The following RGS6 variants were observed in gnomAD, a reference collection of about 807,000 sequenced individuals.
The protein encoded by RGS6 is regulator of G protein signaling 6.
Under a neutral mutation model 78.5 loss-of-function variants are expected in RGS6, and 30 were observed. The ratio of observed to expected loss-of-function variants is 0.38; its 90% CI spans 0.29 to 0.52. The LOEUF (loss-of-function observed/expected upper bound fraction) is 0.52. Ranked by LOEUF, RGS6 falls within the 20% of genes least tolerant of loss-of-function variation. The pLI is 0.85. For synonymous variants in RGS6, 206 were observed against 206.0 expected, an observed-to-expected ratio of 1.00 and a Z score of 0.00; for missense variants, 495 against 609.7, an observed-to-expected ratio of 0.81 and a Z score of 1.98.
At chr14:71,919,810 A>G in the RGS6 span, among the ~76,000 whole-genome samples, 1 of 152,086 alleles carries the variant, frequency 6.6e-6, no homozygotes, top group Non-Finnish European at 1.5e-5. Context: ...CCTGGCCAAC[A>G]TGGTGAAACT....
At chr14:72,098,297 TC>T (rs2095451712) in intron 2 of RGS6, among the ~76,000 whole-genome samples, 1 of 152,200 alleles carries the variant, frequency 6.6e-6, no homozygotes, top group Non-Finnish European at 1.5e-5. Flanking sequence ...TAATTTCATT[TC>T]CCTGGCCTCT....
chr14:71,960,438 A>C (rs2093108515), intron 1 of RGS6, among the ~76,000 whole-genome samples: 1 of 152,172 alleles, frequency 6.6e-6, no homozygotes, highest in Non-Finnish European at 1.5e-5. Context: ...TATCCAGATG[A>C]ATCTTCTGGA....
At chr14:72,180,147 T>G (rs541126121) in intron 2 of RGS6, among the ~76,000 whole-genome samples, 7 of 152,352 alleles carry the variant, frequency 4.6e-5, no homozygotes, top group African/African-American at 1.4e-4. Flanking sequence ...ATTATTTGTA[T>G]GGTAGCTAAA....
the RGS6 span, among the ~76,000 whole-genome samples, chr14:72,573,117 G>A: frequency 1.3e-5 from 2 of 152,228 alleles, no homozygotes; most frequent in African/African-American, 2.4e-5. Context: ...CCCAGAGCGA[G>A]TGGTCCATTT....
chr14:71,964,714 A>G, intron 1 of RGS6, 58 bp from the exon 2 acceptor site: 1 of 1,199,038 alleles, frequency 8.3e-7, no homozygotes, highest in Non-Finnish European at 1.2e-6. Context: ...TTTGCATTTC[A>G]AAGCCCTCTT....
Position 72,526,276 on chromosome 14 carries a change from T to TG in RGS6, c.1278+7740dup, listed in dbSNP as rs1028638151. ...CTGCCACCACGCCCAGCTAATTTTT[T>TG]GTTTTTTTTTAGTAGAGTCGGGGTT... On this transcript the variant is annotated intron_variant, in intron 15 of 17. Transcript: ENST00000553525. 3.8e-4 allele frequency among the ~76,000 whole-genome samples: 26 copies of TG among 68,064 alleles called. No individual in the cohort carries two copies. The East Asian group carries it at 0.022, about 57-fold the overall frequency. 44.7% of individuals were successfully genotyped at this position (68,064 alleles called of 152,430 possible). A position where few individuals can be genotyped will look rare whatever the true frequency, so the allele number is the denominator to read the frequency against.
chr14:71,871,414 A>G, the RGS6 span, among the ~76,000 whole-genome samples: 1 of 152,114 alleles, frequency 6.6e-6, no homozygotes, highest in Admixed American at 6.6e-5. Flanking sequence ...AATGATTTCC[A>G]TATTCTTTCC....
At chr14:72,067,538 G>A (rs900080543) in intron 2 of RGS6, among the ~76,000 whole-genome samples, 1 of 147,548 alleles carries the variant, frequency 6.8e-6, no homozygotes, top group Non-Finnish European at 1.5e-5. Context: ...GCAGGGTTTA[G>A]TGCGGCACTT....
intron 2 of RGS6, among the ~76,000 whole-genome samples, chr14:72,222,643 C>T (rs1047259750): frequency 6.6e-6 from 1 of 152,204 alleles, no homozygotes; most frequent in African/African-American, 2.4e-5. Flanking sequence ...GATTCTGTAA[C>T]CCATAGGCTA....
intron 2 of RGS6, among the ~76,000 whole-genome samples, chr14:72,336,461 G>A (rs1294991414): frequency 6.6e-6 from 1 of 152,074 alleles, no homozygotes; most frequent in African/African-American, 2.4e-5. Context: ...AAATTAGTTA[G>A]TTTGGCTCAT....
intron 2 of RGS6, among the ~76,000 whole-genome samples, chr14:72,191,839 CCTTT>C (rs1187190141): frequency 6.6e-6 from 1 of 152,150 alleles, no homozygotes; most frequent in African/African-American, 2.4e-5. Flanking sequence ...TGGGTTGTCC[CCTTT>C]CTTCACATCT....
intron 2 of RGS6, among the ~76,000 whole-genome samples, chr14:72,042,988 A>G (rs2092551589): frequency 6.6e-6 from 1 of 152,172 alleles, no homozygotes; most frequent in Non-Finnish European, 1.5e-5. Flanking sequence ...TATCTTTTAA[A>G]AATTTTAGCT....
At chr14:72,007,422 A>T (rs2084781675) in intron 2 of RGS6, among the ~76,000 whole-genome samples, 1 of 152,238 alleles carries the variant, frequency 6.6e-6, no homozygotes, top group African/African-American at 2.4e-5. Context: ...GTGTCTCAGA[A>T]TACTGTTTAG....
chr14:72,088,861 C>T (rs1211144354), intron 2 of RGS6, among the ~76,000 whole-genome samples: 1 of 152,214 alleles, frequency 6.6e-6, no homozygotes, highest in Non-Finnish European at 1.5e-5. Flanking sequence ...TCACTCCAAG[C>T]TCATTCCCTC....
At chr14:72,525,226 A>G (rs1202604603) in intron 15 of RGS6, among the ~76,000 whole-genome samples, 1 of 152,196 alleles carries the variant, frequency 6.6e-6, no homozygotes, top group African/African-American at 2.4e-5. Flanking sequence ...AACCTTGGGG[A>G]GTACACCTAG....
At chr14:72,549,246 GT>G (rs71109739) in intron 17 of RGS6, among the ~76,000 whole-genome samples, 28 of 146,412 alleles carry the variant, frequency 1.9e-4, no homozygotes, top group South Asian at 4.3e-4. Context: ...TCTGTTTTTT[GT>G]TTTTTTTTTT....
chr14:72,022,668 C>A (rs11628971), intron 2 of RGS6, among the ~76,000 whole-genome samples: 12,827 of 151,914 alleles, frequency 0.084, 580 homozygotes, highest in East Asian at 0.18. Flanking sequence ...CTTCACATAC[C>A]CTGCTGTGGA....
chr14:71,955,761 G>A (rs189618713), intron 1 of RGS6, among the ~76,000 whole-genome samples: 130 of 152,126 alleles, frequency 8.5e-4, no homozygotes, highest in Admixed American at 2.6e-3. Context: ...ATCTTATGCC[G>A]ACCTCCAGTC....
At chr14:72,568,144 G>A (rs1358419628), downstream of RGS6, among the ~76,000 whole-genome samples, 6 of 152,198 alleles carry the variant, frequency 3.9e-5, no homozygotes, top group Non-Finnish European at 5.9e-5. Context: ...CTCCTGGCCA[G>A]GTCTGGCTTA....
Sources: allele counts gnomAD v4.1 joint callset (sites outside exome capture counted in the v4.1 genomes callset), GRCh38; gene constraint gnomAD v4.1.1; transcripts MANE v1.5; gene names NCBI Gene and HGNC (gene_info 2026-07-23, HGNC 2026-07-21).